The following SMAD3 variants were observed in gnomAD, a reference collection of about 807,000 sequenced individuals.
SMAD3 encodes the protein SMAD family member 3, also known as MAD homolog 3.
In SMAD3, 12 loss-of-function variants were observed where a neutral mutation model predicts 51.8. That is an observed-to-expected ratio of 0.23 (90% CI 0.15 to 0.38). The LOEUF (loss-of-function observed/expected upper bound fraction) is 0.38. Ranked by LOEUF, SMAD3 falls within the 10% of genes least tolerant of loss-of-function variation. SMAD3 has a pLI of 1.00. For synonymous variants in SMAD3, 238 were observed against 227.7 expected (o/e 1.05, Z -0.41); for missense variants, 294 against 565.6 (o/e 0.52, Z 4.87).
chr15:67,140,763 C>G (rs1433705929), intron 1 of SMAD3, among the ~76,000 whole-genome samples: 2 of 152,184 alleles, frequency 1.3e-5, no homozygotes, highest in African/African-American at 4.8e-5. Context: ...TGACGCCTTC[C>G]CCTTTGGAAG....
intron 1 of SMAD3, among the ~76,000 whole-genome samples, chr15:67,103,951 C>T (rs1436196530): frequency 6.6e-6 from 1 of 152,088 alleles, no homozygotes; most frequent in Non-Finnish European, 1.5e-5. Context: ...GAGGTGTTGA[C>T]GTTCAAGGGT....
At chr15:67,183,325 T>TGA (rs1963137015) in intron 6 of SMAD3, among the ~76,000 whole-genome samples, 1 of 151,974 alleles carries the variant, frequency 6.6e-6, no homozygotes, top group African/African-American at 2.4e-5. Flanking sequence ...ATTACAGGTG[T>TGA]GAGCCACCAT....
At chr15:67,084,565 A>T (rs1323308903) in intron 1 of SMAD3, among the ~76,000 whole-genome samples, 1 of 152,078 alleles carries the variant, frequency 6.6e-6, no homozygotes, top group African/African-American at 2.4e-5. Context: ...TTCATCACAT[A>T]TTTACTGAGC....
Position 67,151,720 on chromosome 15 carries a change from G to C in SMAD3, c.207-13175G>C, listed in dbSNP as rs549388851. Among the ~76,000 whole-genome samples, 4 of 152,160 alleles carry C rather than the reference G, an allele frequency of 2.6e-5. No homozygotes were observed. The South Asian group carries it at 6.2e-4, about 24-fold the overall frequency. On this transcript the variant is annotated intron_variant, in intron 1 of 8. Transcript: ENST00000327367. Reference sequence around the variant, plus strand: ...TGACAAATAATTGTCCATATTCATGGGATACATAGTGATGTTTTGATACAT... The same window carrying C: ...TGACAAATAATTGTCCATATTCATGCGATACATAGTGATGTTTTGATACAT...
chr15:67,151,322 T>TTTTATTTA (rs143155300), intron 1 of SMAD3, among the ~76,000 whole-genome samples: 6,662 of 149,646 alleles, frequency 0.045, 235 homozygotes, highest in African/African-American at 0.093. Context: ...CCATTTTCCC[T>TTTTATTTA]TTTATTTATT....
intron 1 of SMAD3, among the ~76,000 whole-genome samples, chr15:67,117,233 G>T (rs1402814182): frequency 6.6e-6 from 1 of 152,154 alleles, no homozygotes; most frequent in African/African-American, 2.4e-5. Flanking sequence ...TGGTAATTAG[G>T]ATACACAATT....
chr15:67,131,482 A>G (rs1444768959), intron 1 of SMAD3, among the ~76,000 whole-genome samples: 2 of 152,206 alleles, frequency 1.3e-5, no homozygotes, highest in African/African-American at 4.8e-5. Flanking sequence ...AGGAGCAATC[A>G]CAGTGCTCCT....
At chr15:67,110,650 A>C (rs570839892) in intron 1 of SMAD3, among the ~76,000 whole-genome samples, 98 of 152,326 alleles carry the variant, frequency 6.4e-4, no homozygotes, top group South Asian at 4.8e-3. Context: ...TGTGTGGGCT[A>C]CCCTGGTTGC....
chr15:67,165,501 C>T (rs1298271230), intron 3 of SMAD3, 117 bp downstream of exon 3: 35 of 1,290,538 alleles, frequency 2.7e-5, no homozygotes, highest in Middle Eastern at 1.9e-4. Context: ...CCCCTCTTTG[C>T]GCACAGCTCT....
At chr15:67,068,155 G>T (rs999610909) in intron 1 of SMAD3, among the ~76,000 whole-genome samples, 1 of 152,232 alleles carries the variant, frequency 6.6e-6, no homozygotes, top group Non-Finnish European at 1.5e-5. Flanking sequence ...AAGTAGATAA[G>T]GTTGTTAGGC....
At chr15:67,160,468 C>T (rs774711031) in intron 1 of SMAD3, among the ~76,000 whole-genome samples, 11 of 152,122 alleles carry the variant, frequency 7.2e-5, no homozygotes, top group Non-Finnish European at 1.3e-4. Context: ...TCATGTATCT[C>T]TTTTTTAAAA....
At chr15:67,127,376 C>G (rs867960420) in intron 1 of SMAD3, among the ~76,000 whole-genome samples, 30 of 152,312 alleles carry the variant, frequency 2.0e-4, no homozygotes, top group Admixed American at 8.5e-4. Context: ...AGAACGTCCT[C>G]CAGTCCCATC....
intron 1 of SMAD3, among the ~76,000 whole-genome samples, chr15:67,115,818 G>C (rs980685236): frequency 1.3e-5 from 2 of 152,240 alleles, no homozygotes; most frequent in African/African-American, 4.8e-5. Context: ...CAAATGCTAG[G>C]AGTCATGCAT....
At chr15:67,127,467 G>C (rs1236764464) in intron 1 of SMAD3, among the ~76,000 whole-genome samples, 1 of 152,196 alleles carries the variant, frequency 6.6e-6, no homozygotes, top group Non-Finnish European at 1.5e-5. Context: ...CCTCCTCTGA[G>C]CCGCACCCTG....
At chr15:67,114,834 G>C (rs1961100295) in intron 1 of SMAD3, among the ~76,000 whole-genome samples, 1 of 152,206 alleles carries the variant, frequency 6.6e-6, no homozygotes, top group East Asian at 1.9e-4. Flanking sequence ...ATGTGGGAGA[G>C]TATCAACAAA....
intron 1 of SMAD3, among the ~76,000 whole-genome samples, chr15:67,118,968 A>G (rs1202006919): frequency 1.3e-5 from 2 of 152,252 alleles, no homozygotes; most frequent in Admixed American, 6.5e-5. Context: ...CGGAGCACCT[A>G]TTAGCAGGAG....
chr15:67,186,853 G>A (rs1332321231), intron 7 of SMAD3: 1 of 351,100 alleles, frequency 2.8e-6, no homozygotes, highest in Non-Finnish European at 5.6e-6. Context: ...CAAGCTTCCT[G>A]TGGGGACGGC....
intron 1 of SMAD3, among the ~76,000 whole-genome samples, chr15:67,147,758 A>G (rs1015655746): frequency 1.3e-5 from 2 of 152,184 alleles, no homozygotes; most frequent in Admixed American, 1.3e-4. Context: ...GAGGTCAGTA[A>G]TTCTGCAGCC....
At position 67,129,104 on chromosome 15, in the gene SMAD3, C is replaced by T. The variant is rs561927989; in HGVS notation, c.207-35791C>T. On this transcript the variant is annotated intron_variant, in intron 1 of 8. Transcript: ENST00000327367. ...CTAGATGCCTTCCACACTCCTGTCC[C>T]CCTACCTCTACACCAGGCGTCCCCA... Among the ~76,000 whole-genome samples, 15 of 151,946 alleles carry T rather than the reference C, an allele frequency of 9.9e-5. No individual in the cohort carries two copies. In the South Asian group the frequency reaches 2.3e-3, roughly 23 times the overall value.
Sources: gnomAD v4.1 joint callset for allele counts (sites outside exome capture counted in the v4.1 genomes callset) on GRCh38, gnomAD v4.1.1 for gene constraint, MANE v1.5 for transcripts, NCBI Gene and HGNC (gene_info 2026-07-23, HGNC 2026-07-21) for gene names.